The following TCF4 variants were observed in gnomAD, a reference collection of about 807,000 sequenced individuals.
TCF4 encodes the protein transcription factor 4.
In TCF4, 3 loss-of-function variants were observed where a neutral mutation model predicts 82.1. The ratio of observed to expected loss-of-function variants is 0.04; its 90% confidence interval spans 0.02 to 0.09. The LOEUF (loss-of-function observed/expected upper bound fraction) is 0.09. Among genes scored for constraint, TCF4 ranks in the 10% least tolerant of loss-of-function variants. The pLI is 1.00. For synonymous variants in TCF4, 276 were observed against 309.6 expected (o/e 0.89, Z 1.14); for missense variants, 518 against 852.7 (o/e 0.61, Z 4.89).
intron 3 of TCF4, among the ~76,000 whole-genome samples, chr18:55,470,427 A>G (rs748166084): frequency 3.2e-4 from 49 of 152,238 alleles, no homozygotes; most frequent in Non-Finnish European, 6.9e-4. Context: ...CTATCAGAGT[A>G]AGAATTCAGT....
At chr18:55,445,470 A>G (rs2095509890) in intron 5 of TCF4, among the ~76,000 whole-genome samples, 1 of 152,210 alleles carries the variant, frequency 6.6e-6, no homozygotes, top group African/African-American at 2.4e-5. Flanking sequence ...GGTGGGAGGC[A>G]AGATAGCATG....
chr18:55,272,892 A>G (rs541617192), intron 10 of TCF4, among the ~76,000 whole-genome samples: 11 of 152,252 alleles, frequency 7.2e-5, no homozygotes, highest in African/African-American at 2.2e-4. Flanking sequence ...TTACAAAAAA[A>G]TAAAAGAAAA....
chr18:55,500,302 C>T (rs144960577), intron 3 of TCF4, among the ~76,000 whole-genome samples: 5 of 152,080 alleles, frequency 3.3e-5, no homozygotes, highest in East Asian at 3.9e-4. Context: ...CATGTTTAGA[C>T]GAGTAATCTT....
chr18:55,464,686 CT>C (rs1463287369), intron 3 of TCF4, among the ~76,000 whole-genome samples: 1 of 151,518 alleles, frequency 6.6e-6, no homozygotes, highest in Non-Finnish European at 1.5e-5. Flanking sequence ...TGAAACAAAA[CT>C]TTTTTTTAGG....
At chr18:55,593,842 A>T (rs1297739954) in intron 2 of TCF4, among the ~76,000 whole-genome samples, 1 of 152,214 alleles carries the variant, frequency 6.6e-6, no homozygotes, top group East Asian at 1.9e-4. Context: ...GGAAAAAAAA[A>T]ATCAGAATGA....
chr18:55,542,298 T>C (rs976049637), intron 3 of TCF4, among the ~76,000 whole-genome samples: 2 of 152,008 alleles, frequency 1.3e-5, no homozygotes, highest in African/African-American at 4.8e-5. Flanking sequence ...TACATCCACA[T>C]AGAATCTTAA....
intron 8 of TCF4, among the ~76,000 whole-genome samples, chr18:55,333,924 G>C (rs2078098656): frequency 6.6e-6 from 1 of 152,110 alleles, no homozygotes; most frequent in Non-Finnish European, 1.5e-5. Context: ...CAAACTATAG[G>C]CTACATGATA....
At chr18:55,484,255 T>C (rs182203809) in intron 3 of TCF4, among the ~76,000 whole-genome samples, 2 of 152,322 alleles carry the variant, frequency 1.3e-5, no homozygotes, top group East Asian at 3.9e-4. Context: ...GGCTTTTCTT[T>C]TGGGTTAAAT....
chr18:55,403,798 T>C, intron 5 of TCF4: 4 of 1,505,906 alleles, frequency 2.7e-6, no homozygotes, highest in East Asian at 4.9e-5. Context: ...AAATCGTAAC[T>C]CCTTATTTTC....
chr18:55,387,180 C>T (rs946012461), intron 6 of TCF4, among the ~76,000 whole-genome samples: 2 of 152,256 alleles, frequency 1.3e-5, no homozygotes, highest in African/African-American at 4.8e-5. Context: ...GTTCATTCCA[C>T]ATTTTCTCCA....
chr18:55,252,844 G>C (rs2055643540), intron 15 of TCF4, among the ~76,000 whole-genome samples: 1 of 152,026 alleles, frequency 6.6e-6, no homozygotes, highest in African/African-American at 2.4e-5. Context: ...ATTAAAAGCA[G>C]TATGTTTAAA....
chr18:55,495,286 T>A (rs1358601039), intron 3 of TCF4, among the ~76,000 whole-genome samples: 4 of 147,146 alleles, frequency 2.7e-5, no homozygotes, highest in Admixed American at 1.4e-4. Flanking sequence ...AAAAAGTCGG[T>A]GGAGAATATA....
chr18:55,326,563 C>G (rs918000162), intron 8 of TCF4, among the ~76,000 whole-genome samples: 1 of 152,048 alleles, frequency 6.6e-6, no homozygotes, highest in African/African-American at 2.4e-5. Context: ...GCACCAAACA[C>G]GACTGGCCTG....
Position 55,600,047 on chromosome 18 carries a change from G to A in TCF4, c.287-12911C>T, listed in dbSNP as rs368323018. 4.6e-5 allele frequency among the ~76,000 whole-genome samples: 7 copies of A among 152,170 alleles called. No individual in the cohort carries two copies. The East Asian group carries it at 5.8e-4, about 13-fold the overall frequency. The stretch of plus-strand genomic sequence containing the variant: ...GTCCATGTGGTTGCCTGTAGGAGAA[G>A]GCTGTTTTTTTTTATTGCTGTGTAA... On this transcript the variant is annotated intron_variant, in intron 2 of 20. Transcript: ENST00000398339.
chr18:55,476,915 G>A (rs2096301715), intron 3 of TCF4, among the ~76,000 whole-genome samples: 1 of 152,272 alleles, frequency 6.6e-6, no homozygotes, highest in South Asian at 2.1e-4. Flanking sequence ...GCTTATAAAT[G>A]TGTGTGTGCA....
chr18:55,628,441 GTTTT>G (rs904179800), intron 2 of TCF4, among the ~76,000 whole-genome samples: 6 of 152,044 alleles, frequency 3.9e-5, no homozygotes, highest in African/African-American at 1.4e-4. Flanking sequence ...TTTTTAAAAA[GTTTT>G]TTAATTGATG....
At chr18:55,617,753 A>G (rs776256934) in intron 2 of TCF4, among the ~76,000 whole-genome samples, 1 of 151,060 alleles carries the variant, frequency 6.6e-6, no homozygotes, top group African/African-American at 2.4e-5. Context: ...TAGAAACACA[A>G]CCGGCTCTTT....
chr18:55,270,869 G>A (rs1165488374), intron 10 of TCF4, among the ~76,000 whole-genome samples: 1 of 152,090 alleles, frequency 6.6e-6, no homozygotes, highest in East Asian at 1.9e-4. Flanking sequence ...ATAAAAAGCA[G>A]CTTCAAAAGT....
intron 3 of TCF4, among the ~76,000 whole-genome samples, chr18:55,522,349 A>G (rs1603618806): frequency 6.6e-6 from 1 of 152,220 alleles, no homozygotes; most frequent in East Asian, 1.9e-4. Context: ...TGAGAAAAAA[A>G]TCTGCACAAT....
Sources: gnomAD v4.1 joint callset for allele counts (sites outside exome capture counted in the v4.1 genomes callset) on GRCh38, gnomAD v4.1.1 for gene constraint, MANE v1.5 for transcripts, NCBI Gene and HGNC (gene_info 2026-07-23, HGNC 2026-07-21) for gene names.